C3orf20: variants seen among roughly 807,000 people sequenced by gnomAD.
C3orf20 encodes uncharacterized protein C3orf20.
A neutral mutation model predicts 88.3 loss-of-function variants in C3orf20; 76 were observed. The ratio of observed to expected loss-of-function variants is 0.86; its 90% CI spans 0.72 to 1.04. The LOEUF (loss-of-function observed/expected upper bound fraction) is 1.04, where lower values mean the gene tolerates loss of function less well. Ranked by LOEUF, C3orf20 falls within the 50% of genes least tolerant of loss-of-function variation. The pLI is 0.00. For synonymous variants in C3orf20, 436 were observed against 437.4 expected (o/e 1.00, Z 0.04); for missense variants, 1,056 against 1,123.3 (o/e 0.94, Z 0.86).
rs2124938912 is a variant in C3orf20 at position 14,704,747 on chromosome 3, G to T, written c.1160+129G>T. ...GAGAAGCCTGGTGATGGGTCTCCTG[G>T]GTATTAAGAGCTTGTCTAGATCAGA... On this transcript the variant is annotated intron_variant, in intron 7 of 16. Coordinates refer to ENST00000253697, the MANE Select transcript of C3orf20 (RefSeq NM_032137.5). 5.4e-6 allele frequency: 6 copies of T among 1,109,554 alleles called. No homozygotes were observed. The South Asian group carries it at 9.2e-5, about 17-fold the overall frequency. 68.7% of individuals were successfully genotyped at this position (1,109,554 alleles called of 1,614,324 possible). A position where few individuals can be genotyped will look rare whatever the true frequency, so the allele number is the denominator to read the frequency against.
At position 14,682,872 on chromosome 3, in the gene C3orf20, G is replaced by A; in HGVS notation, c.159G>A (p.Glu53=). The change falls in exon 3 of 17, where the codon GAG becomes GAA. Residue 53 remains glutamate (E), a synonymous_variant. Transcript: ENST00000253697. ...IRNIFEFTWE[E]LISDPSVPTP... ...ACATCTTTGAGTTCACTTGGGAAGA[G>A]CTCATCAGTGACCCTTCAGTGCCTA... The A allele has an allele frequency of 6.2e-7, 1 of 1,614,202 alleles. No homozygotes were observed. Among genetic ancestry groups the A allele is most frequent in the Non-Finnish European group, 8.5e-7 (1 of 1,180,032 alleles).
chr3:14,760,766 T>C (rs1212964862), intron 14 of C3orf20, among the ~76,000 whole-genome samples: 1 of 152,012 alleles, frequency 6.6e-6, no homozygotes, highest in Non-Finnish European at 1.5e-5. Flanking sequence ...CCCACCATCA[T>C]GCCCGGCTAA....
In C3orf20 at chr3:14,704,392, C is replaced by G; in HGVS notation, c.934C>G (p.Arg312Gly). 1 of 1,614,144 alleles carries G rather than the reference C, an allele frequency of 6.2e-7. No individual in the cohort carries two copies. Among genetic ancestry groups the G allele is most frequent in the Non-Finnish European group, 8.5e-7 (1 of 1,180,016 alleles). The change falls in exon 7 of 17, where the codon CGA becomes GGA. Residue 312 changes from arginine to glycine, a missense_variant. By Grantham distance (125) the Arg-to-Gly change is moderately radical. Coordinates refer to ENST00000253697, the MANE Select transcript of C3orf20 (RefSeq NM_032137.5). Reference protein sequence around the residue: ...GRNISYPMILRNYKAKMPSHL... With the variant: ...GRNISYPMILGNYKAKMPSHL... ...GAATATCTCCTACCCCATGATCTTA[C>G]GAAACTACAAGGCAAAGATGCCCTC...
At chr3:14,737,312 C>T (rs553065035) in intron 12 of C3orf20, among the ~76,000 whole-genome samples, 7 of 152,098 alleles carry the variant, frequency 4.6e-5, no homozygotes, top group African/African-American at 1.7e-4. Flanking sequence ...TCTGGGACTC[C>T]CAAGTACACC....
rs2035422519 is a variant in C3orf20, at chr3:14,757,735, G to C, written c.2244+61G>C. ...AGGGGCAGGGGTAGTGGGGCAGTCC[G>C]AGAAAACCCCCACAGTGCTAGGACT... On this transcript the variant is annotated intron_variant, in intron 13 of 16. Coordinates refer to ENST00000253697, the MANE Select transcript of C3orf20 (RefSeq NM_032137.5). 2.0e-6 allele frequency: 3 copies of C among 1,489,246 alleles called. No homozygotes were observed. In the Admixed American group the frequency reaches 6.1e-5, roughly 30 times the overall value. The allele number at this position is 1,489,246 out of a possible 1,614,324, so 92.3% of individuals were successfully genotyped here. A position where few individuals can be genotyped will look rare whatever the true frequency, so the allele number is the denominator to read the frequency against.
intron 7 of C3orf20, among the ~76,000 whole-genome samples, chr3:14,710,424 A>G (rs2033692462): frequency 6.6e-6 from 1 of 151,936 alleles, no homozygotes; most frequent in Non-Finnish European, 1.5e-5. Flanking sequence ...TAGTTCCTTA[A>G]GGTAGAAAAT....
At chr3:14,727,746 CTTAA>C (rs993531851) in intron 11 of C3orf20, among the ~76,000 whole-genome samples, 6 of 152,192 alleles carry the variant, frequency 3.9e-5, no homozygotes, top group African/African-American at 9.6e-5. Context: ...TCCCATAGCA[CTTAA>C]TTATTTATTT....
chr3:14,697,647 A>AC (rs2033065794), intron 5 of C3orf20, among the ~76,000 whole-genome samples: 1 of 150,356 alleles, frequency 6.7e-6, no homozygotes, highest in South Asian at 2.1e-4. Context: ...GGTTTGCTGC[A>AC]CCCCCCAACT....
intron 5 of C3orf20, among the ~76,000 whole-genome samples, chr3:14,700,526 C>T (rs570748164): frequency 6.6e-6 from 1 of 152,216 alleles, no homozygotes; most frequent in Non-Finnish European, 1.5e-5. Flanking sequence ...ATGTATTTCT[C>T]AAGGACTCGG....
intron 11 of C3orf20, among the ~76,000 whole-genome samples, chr3:14,728,036 C>G (rs929266661): frequency 6.6e-6 from 1 of 152,052 alleles, no homozygotes; most frequent in Non-Finnish European, 1.5e-5. Context: ...AAATACAATA[C>G]AACAAAGAAA....
intron 4 of C3orf20, among the ~76,000 whole-genome samples, chr3:14,688,308 T>C (rs534902520): frequency 4.6e-5 from 7 of 151,524 alleles, no homozygotes; most frequent in African/African-American, 1.7e-4. Flanking sequence ...GGCAGGAGGA[T>C]TGCTTGAGGC....
intron 15 of C3orf20, among the ~76,000 whole-genome samples, chr3:14,770,400 G>T (rs1182634245): frequency 6.6e-6 from 1 of 152,190 alleles, no homozygotes; most frequent in Non-Finnish European, 1.5e-5. Context: ...GGAGTAGGCT[G>T]TGTCTCCTCT....
chr3:14,689,892 A>G (rs2124904707), intron 4 of C3orf20, 105 bp from the exon 5 acceptor site: 2 of 1,477,960 alleles, frequency 1.4e-6, no homozygotes, highest in Middle Eastern at 1.8e-4. Context: ...ACTTTACAGT[A>G]TGTGACCCAC....
Position 14,772,781 on chromosome 3 carries a change from T to G in C3orf20, c.2631-10T>G. The G allele has an allele frequency of 6.2e-7, 1 of 1,611,558 alleles. No individual in the cohort carries two copies. Among genetic ancestry groups the G allele is most frequent in the Non-Finnish European group, 8.5e-7 (1 of 1,177,864 alleles). Reference sequence around the variant, plus strand: ...CCTTCCGCCTCCCGGCCCTCTATTTTGATCTTTAGGACAAGAGAGCCTGAA... The same window carrying G: ...CCTTCCGCCTCCCGGCCCTCTATTTGGATCTTTAGGACAAGAGAGCCTGAA... On this transcript the variant is annotated splice_polypyrimidine_tract_variant and intron_variant, in intron 16 of 16. Coordinates refer to ENST00000253697, the MANE Select transcript of C3orf20 (RefSeq NM_032137.5). The surrounding 1 kb of genome is among the most constrained non-coding windows in gnomAD (Gnocchi z 4.2).
chr3:14,692,265 G>A (rs1020804183), intron 5 of C3orf20, among the ~76,000 whole-genome samples: 2 of 152,136 alleles, frequency 1.3e-5, no homozygotes, highest in African/African-American at 2.4e-5. Context: ...ATATACCTAC[G>A]TGTGGAATTG....
chr3:14,724,278 G>T (rs776615025), intron 10 of C3orf20, among the ~76,000 whole-genome samples: 1 of 152,122 alleles, frequency 6.6e-6, no homozygotes, highest in Non-Finnish European at 1.5e-5. Flanking sequence ...TAAAATTGTG[G>T]CAATGCTTCA....
chr3:14,715,524 G>C (rs1414704130), intron 9 of C3orf20, 115 bp downstream of exon 9: 1 of 1,345,872 alleles, frequency 7.4e-7, no homozygotes, highest in Non-Finnish European at 9.8e-7. Context: ...CGTAAGACAG[G>C]AAGCCTGCCC....
Position 14,772,125 on chromosome 3 carries a change from G to C in C3orf20, c.2554G>C (p.Glu852Gln), listed in dbSNP as rs1160065532. The C allele has an allele frequency of 3.1e-6, 5 of 1,614,254 alleles. No individual in the cohort carries two copies. Reference protein sequence around the residue: ...DSESVKKAESEDIQGSSSSLA... With the variant: ...DSESVKKAESQDIQGSSSSLA... ...TGAATCAGTCAAGAAAGCCGAGTCA[G>C]AAGATATCCAAGGAAGCAGCTCCTC... The change falls in exon 16 of 17, where the codon GAA becomes CAA. Residue 852 changes from glutamate to glutamine, a missense_variant. Coordinates refer to ENST00000253697, the MANE Select transcript of C3orf20 (RefSeq NM_032137.5). The surrounding 1 kb of genome is among the most constrained non-coding windows in gnomAD (Gnocchi z 4.2).
At chr3:14,724,597 A>G (rs189647153) in intron 10 of C3orf20, among the ~76,000 whole-genome samples, 1 of 152,338 alleles carries the variant, frequency 6.6e-6, no homozygotes, top group Non-Finnish European at 1.5e-5. Flanking sequence ...CTGCATGGAA[A>G]CACACACTGC....
Sources: allele counts gnomAD v4.1 joint callset (sites outside exome capture counted in the v4.1 genomes callset), GRCh38; gene constraint gnomAD v4.1.1; non-coding constraint Gnocchi (gnomAD v3.1); transcripts MANE v1.5; gene names NCBI Gene and HGNC (gene_info 2026-07-23, HGNC 2026-07-21).